The following TOR3A variants were observed in gnomAD, a reference collection of about 807,000 sequenced individuals.
TOR3A encodes torsin-3A.
In TOR3A, 44 loss-of-function variants were observed where a neutral mutation model predicts 42.1. That is an observed-to-expected ratio of 1.04 (90% CI 0.82 to 1.34). The LOEUF is 1.34. Ranked by LOEUF, TOR3A falls within the 40% of genes most tolerant of loss-of-function variation. The probability of loss-of-function intolerance (pLI) is 0.00; values close to 1 mark genes in which losing one functional copy is unlikely to be tolerated. For missense variants in TOR3A, 521 were observed against 507.6 expected (o/e 1.03, Z -0.25); for synonymous variants, 227 against 213.2 (o/e 1.06, Z -0.57).
In TOR3A at chr1:179,095,239, G is replaced by A; in HGVS notation, c.*21G>A. On this transcript the variant is annotated 3_prime_UTR_variant, in exon 6 of 6. Coordinates refer to ENST00000367627, the MANE Select transcript of TOR3A (RefSeq NM_022371.4). ...CATGAAGGCTAGAGGAAGACTTCCT[G>A]GAACTGCCTTTCTTCCACTAACAGG... 1 of 1,612,736 alleles carries A rather than the reference G, an allele frequency of 6.2e-7. No homozygotes were observed. Among genetic ancestry groups the A allele is most frequent in the Middle Eastern group, 1.8e-4 (1 of 5,642 alleles).
chr1:179,092,995 A>ACTGT (rs1311186787), intron 4 of TOR3A, among the ~76,000 whole-genome samples: 5 of 152,270 alleles, frequency 3.3e-5, no homozygotes, highest in African/African-American at 9.6e-5. Context: ...ACAGAATGAG[A>ACTGT]CTGTCTCCAA....
Position 179,090,708 on chromosome 1 carries a change from G to A in TOR3A, c.818+2619G>A, listed in dbSNP as rs562997848. Among the ~76,000 whole-genome samples the A allele has an allele frequency of 6.6e-5, 10 of 152,284 alleles. No individual in the cohort carries two copies. In the South Asian group the frequency reaches 1.0e-3, roughly 16 times the overall value. On this transcript the variant is annotated intron_variant, in intron 4 of 5. Coordinates refer to ENST00000367627, the MANE Select transcript of TOR3A (RefSeq NM_022371.4). Reference sequence around the variant, plus strand: ...CATCCGGGCCAGGGAATTGGGGCCGGTGACTGGGCACCAGGAAAGTAACAT... The same window carrying A: ...CATCCGGGCCAGGGAATTGGGGCCGATGACTGGGCACCAGGAAAGTAACAT...
chr1:179,082,094 C>T lies in TOR3A; in HGVS notation c.-35C>T, dbSNP rs778887753. The T allele has an allele frequency of 2.1e-6, 3 of 1,433,534 alleles. No homozygotes were observed. The highest frequency in any genetic ancestry group is 2.6e-4 in the Middle Eastern group (1 of 3,912). The allele number at this position is 1,433,534 out of a possible 1,614,324, so 88.8% of individuals were successfully genotyped here. ...CGGGCTTAAGGGAGCCTGGCTAGGC[C>T]GGCAGCCGGATGGTCCCGCAGCTCG... On this transcript the variant is annotated 5_prime_UTR_variant, in exon 1 of 6. Coordinates refer to ENST00000367627, the MANE Select transcript of TOR3A (RefSeq NM_022371.4).
At chr1:179,083,724 A>G (rs1274518125) in intron 2 of TOR3A, among the ~76,000 whole-genome samples, 1 of 151,836 alleles carries the variant, frequency 6.6e-6, no homozygotes, top group East Asian at 1.9e-4. Context: ...GTATTTTCTA[A>G]TTAGTTTGGG....
Position 179,085,758 on chromosome 1 carries a change from G to C in TOR3A, c.504G>C (p.Trp168Cys). Reference sequence around the variant, plus strand: ...CCCTTGCTCTGTCGTTCCACGGCTGGTCTGGCACAGGCAAGAACTTCGTGG... The same window carrying C: ...CCCTTGCTCTGTCGTTCCACGGCTGCTCTGGCACAGGCAAGAACTTCGTGG... Reference protein sequence around the residue: ...EKALALSFHGWSGTGKNFVAR... With the variant: ...EKALALSFHGCSGTGKNFVAR... Residue 168 changes from tryptophan (W) to cysteine (C), a missense_variant, in exon 3 of 6, where the codon TGG becomes TGC. Transcript: ENST00000367627. 6.2e-7 allele frequency: 1 copy of C among 1,614,212 alleles called. No individual in the cohort carries two copies. The highest frequency in any genetic ancestry group is 8.5e-7 in the Non-Finnish European group (1 of 1,180,054).
chr1:179,082,976 A>C lies in TOR3A; in HGVS notation c.296A>C (p.Asp99Ala), dbSNP rs758522119. 35 of 1,586,822 alleles carry C rather than the reference A, an allele frequency of 2.2e-5. No homozygotes were observed. Among genetic ancestry groups the C allele is most frequent in the Non-Finnish European group, 2.7e-5 (31 of 1,167,572 alleles). Residue 99 changes from aspartate (D) to alanine (A), a missense_variant, in exon 2 of 6, where the codon GAC becomes GCC. Asp to Ala is a moderately radical substitution (Grantham distance 126). Coordinates refer to ENST00000367627, the MANE Select transcript of TOR3A (RefSeq NM_022371.4). ...RLPLLGQRYL[D>A]LLTTWYCSFK... ...CCTCTGTTGGGCCAGCGGTACCTGGACCTCCTGACCACGTGGTACTGCAGC... is the reference window on the plus strand; with the variant it reads ...CCTCTGTTGGGCCAGCGGTACCTGGCCCTCCTGACCACGTGGTACTGCAGC...
At chr1:179,084,308 ACT>A (rs1572572469) in intron 2 of TOR3A, among the ~76,000 whole-genome samples, 1 of 151,952 alleles carries the variant, frequency 6.6e-6, no homozygotes, top group African/African-American at 2.4e-5. Context: ...CTCACTGCAA[ACT>A]CTGCCTCCCA....
chr1:179,090,392 ACACACT>A (rs1652548718), intron 4 of TOR3A, among the ~76,000 whole-genome samples: 1 of 152,158 alleles, frequency 6.6e-6, no homozygotes, highest in Admixed American at 6.5e-5. Context: ...CTGGGAGGAG[ACACACT>A]GTTGATATTG....
At chr1:179,085,201 C>T (rs1458249095) in intron 2 of TOR3A, among the ~76,000 whole-genome samples, 2 of 152,070 alleles carry the variant, frequency 1.3e-5, no homozygotes, top group Non-Finnish European at 2.9e-5. Flanking sequence ...CCGAGGTGGG[C>T]GGATCTCGAG....
chr1:179,093,595 TAGCC>T (rs1367624975), intron 4 of TOR3A, among the ~76,000 whole-genome samples: 1 of 152,208 alleles, frequency 6.6e-6, no homozygotes, highest in African/African-American at 2.4e-5. Flanking sequence ...CTCCTCACCT[TAGCC>T]AGCCTTTCAT....
intron 3 of TOR3A, 152 bp downstream of exon 3, chr1:179,086,045 C>T (rs1652425485): frequency 1.1e-6 from 1 of 943,670 alleles, no homozygotes; most frequent in East Asian, 2.6e-5. Flanking sequence ...CCACTCCTCA[C>T]AGAGGCCCTT....
rs1033604436 is a variant in TOR3A, at chr1:179,095,967, A to G, written c.*749A>G. 2.0e-6 allele frequency: 2 copies of G among 985,212 alleles called. No homozygotes were observed. The highest frequency in any genetic ancestry group is 1.7e-5 in the African/African-American group (1 of 57,194). The allele number at this position is 985,212 out of a possible 1,614,324, so 61.0% of individuals were successfully genotyped here. On this transcript the variant is annotated 3_prime_UTR_variant, in exon 6 of 6. Coordinates refer to ENST00000367627, the MANE Select transcript of TOR3A (RefSeq NM_022371.4). The stretch of plus-strand genomic sequence containing the variant: ...GACATGTTTGTTGTATGTAAAGATG[A>G]TAAGATTAAAATTTTTGATTTTCCT...
Position 179,089,700 on chromosome 1 carries a change from G to C in TOR3A, c.818+1611G>C, listed in dbSNP as rs370891075. On this transcript the variant is annotated intron_variant, in intron 4 of 5. Transcript: ENST00000367627. Reference sequence around the variant, plus strand: ...TGGGTGCTCTGTGGTTTCTCCACCTGAGCCCTGGGTCGGGCAGTCCAGGGG... The same window carrying C: ...TGGGTGCTCTGTGGTTTCTCCACCTCAGCCCTGGGTCGGGCAGTCCAGGGG... 3.3e-5 allele frequency among the ~76,000 whole-genome samples: 5 copies of C among 152,284 alleles called. 1 individual carries two copies. The East Asian group carries it at 9.7e-4, about 29-fold the overall frequency.
In TOR3A at chr1:179,085,727, A is replaced by G. The variant is rs780956011; in HGVS notation, c.473A>G (p.Glu158Gly). The change falls in exon 3 of 6, where the codon GAA becomes GGA. Residue 158 changes from glutamate (E) to glycine (G), a missense_variant. Glu to Gly is a moderately conservative substitution (Grantham distance 98). Coordinates refer to ENST00000367627, the MANE Select transcript of TOR3A (RefSeq NM_022371.4). ...VRGYLETPQP[E>G]KALALSFHGW... ...GGCTACTTAGAGACGCCCCAGCCAG[A>G]AAAGGCCCTTGCTCTGTCGTTCCAC... 1 of 1,614,228 alleles carries G rather than the reference A, an allele frequency of 6.2e-7. No homozygotes were observed. The highest frequency in any genetic ancestry group is 8.5e-7 in the Non-Finnish European group (1 of 1,180,040).
intron 4 of TOR3A, chr1:179,091,618 C>G (rs1020381779): frequency 1.3e-5 from 2 of 152,282 alleles, no homozygotes; most frequent in African/African-American, 4.8e-5. Context: ...AATAAACAGG[C>G]CAAGCTTCCT....
chr1:179,090,585 T>G (rs1652553979), intron 4 of TOR3A, among the ~76,000 whole-genome samples: 1 of 152,170 alleles, frequency 6.6e-6, no homozygotes, highest in African/African-American at 2.4e-5. Flanking sequence ...CTGTTTGAAG[T>G]GAGTTGCCAG....
chr1:179,082,257 G>T lies in TOR3A; in HGVS notation c.129G>T (p.Pro43=). ...TDEPGSAWAW[P]GFQRLQEQLR... is the part of the protein sequence containing the mutation. Reference sequence around the variant, plus strand: ...AGCCGGGCTCGGCCTGGGCCTGGCCGGGCTTCCAGCGCCTGCAGGAGCAGC... The same window carrying T: ...AGCCGGGCTCGGCCTGGGCCTGGCCTGGCTTCCAGCGCCTGCAGGAGCAGC... Residue 43 remains proline, a synonymous_variant, in exon 1 of 6, where the codon CCG becomes CCT. Coordinates refer to ENST00000367627, the MANE Select transcript of TOR3A (RefSeq NM_022371.4). The T allele has an allele frequency of 6.4e-7, 1 of 1,552,306 alleles. No individual in the cohort carries two copies.
rs566932522 is a variant in TOR3A at position 179,083,121 on chromosome 1, T to A, written c.373+68T>A. ...AGGGGAGGCAGTCCAGGGGAAATGGTTAGATGCAAGGGACCTTTCGTCATC... is the reference window on the plus strand; with the variant it reads ...AGGGGAGGCAGTCCAGGGGAAATGGATAGATGCAAGGGACCTTTCGTCATC... On this transcript the variant is annotated intron_variant, in intron 2 of 5. Coordinates refer to ENST00000367627, the MANE Select transcript of TOR3A (RefSeq NM_022371.4). 2.7e-5 allele frequency: 26 copies of A among 964,574 alleles called. No individual in the cohort carries two copies. The South Asian group carries it at 5.3e-4, about 20-fold the overall frequency. The allele number at this position is 964,574 out of a possible 1,614,324, so 59.8% of individuals were successfully genotyped here. A position where few individuals can be genotyped will look rare whatever the true frequency, so the allele number is the denominator to read the frequency against.
At chr1:179,087,725 G>A (rs1455623601) in intron 3 of TOR3A, among the ~76,000 whole-genome samples, 186 bp from the exon 4 acceptor site, 2 of 148,910 alleles carry the variant, frequency 1.3e-5, no homozygotes, top group East Asian at 4.1e-4. Context: ...TCACCTGGGA[G>A]CTGGTCAGAT....
Sources: allele counts gnomAD v4.1 joint callset (sites outside exome capture counted in the v4.1 genomes callset), GRCh38; gene constraint gnomAD v4.1.1; transcripts MANE v1.5; gene names NCBI Gene and HGNC (gene_info 2026-07-23, HGNC 2026-07-21).